Variants in RBX1 observed in about 807,000 individuals in gnomAD.
The protein encoded by RBX1 is ring-box 1, also known as E3 ubiquitin-protein ligase RBX1.
For missense variants in RBX1, 46 were observed against 141.4 expected (o/e 0.33, Z 3.42); for synonymous variants, 48 against 47.9 (o/e 1.00, Z -0.01).
chr22:40,960,983 C>G (rs1012269731), intron 2 of RBX1, among the ~76,000 whole-genome samples: 1 of 151,762 alleles, frequency 6.6e-6, no homozygotes, highest in African/African-American at 2.4e-5. Context: ...AGGCTGGTCT[C>G]GAACTCCTGA....
intron 4 of RBX1, among the ~76,000 whole-genome samples, chr22:40,971,756 C>T (rs1205705946): frequency 6.6e-6 from 1 of 151,994 alleles, no homozygotes; most frequent in Non-Finnish European, 1.5e-5. Context: ...GGGGTTTCAC[C>T]ATGTTGGCCA....
At chr22:40,961,787 C>CTGTGTG (rs139232745) in intron 2 of RBX1, among the ~76,000 whole-genome samples, 128 of 149,338 alleles carry the variant, frequency 8.6e-4, no homozygotes, top group African/African-American at 2.8e-3. Flanking sequence ...TTTGCTTTCT[C>CTGTGTG]TGTGTGTGTG....
At chr22:40,966,563 A>G (rs529830377) in intron 3 of RBX1, 9 of 152,340 alleles carry the variant, frequency 5.9e-5, no homozygotes, top group Admixed American at 5.9e-4. Context: ...GGGATCTTCC[A>G]AAAGGCTGTC....
intron 2 of RBX1, among the ~76,000 whole-genome samples, chr22:40,962,586 C>T (rs1189366273): frequency 6.6e-6 from 1 of 150,982 alleles, no homozygotes; most frequent in Admixed American, 6.6e-5. Flanking sequence ...ACCTCTGCCT[C>T]CCGGATTCAA....
chr22:40,969,928 C>T lies in RBX1; in HGVS notation c.314+2044C>T, dbSNP rs186496672. 2.4e-3 allele frequency among the ~76,000 whole-genome samples: 370 copies of T among 151,258 alleles called. 3 individuals are homozygous for T. Among genetic ancestry groups the T allele is most frequent in the African/African-American group, 8.3e-3 (341 of 41,290 alleles). On this transcript the variant is annotated intron_variant, in intron 4 of 4. Coordinates refer to ENST00000216225, the MANE Select transcript of RBX1 (RefSeq NM_014248.4). Reference sequence around the variant, plus strand: ...GAAAGAAAATTAGCTGGATGTGGTGCCATGCACTTGTAGTCCCAGCTGCTC... The same window carrying T: ...GAAAGAAAATTAGCTGGATGTGGTGTCATGCACTTGTAGTCCCAGCTGCTC...
chr22:40,972,303 G>A (rs1347795365), intron 4 of RBX1, among the ~76,000 whole-genome samples, 173 bp from the exon 5 acceptor site: 2 of 152,202 alleles, frequency 1.3e-5, no homozygotes, highest in African/African-American at 4.8e-5. Flanking sequence ...GATGGGGAGG[G>A]GAAAGGGGAA....
intron 2 of RBX1, among the ~76,000 whole-genome samples, chr22:40,960,862 G>A (rs941729509): frequency 1.3e-5 from 2 of 151,902 alleles, no homozygotes; most frequent in African/African-American, 4.8e-5. Context: ...AGGTTCCAGC[G>A]ATTCTCCTGC....
intron 4 of RBX1, 89 bp downstream of exon 4, chr22:40,967,973 G>A: frequency 1.2e-6 from 1 of 836,362 alleles, no homozygotes; most frequent in Non-Finnish European, 2.0e-6. Context: ...CATGATACAT[G>A]CCTTGTTTTT....
rs1022669716 is a variant in RBX1, at chr22:40,973,198, G to A, written c.*710G>A. 1 of 152,338 alleles carries A rather than the reference G, an allele frequency of 6.6e-6. No individual in the cohort carries two copies. Among genetic ancestry groups the A allele is most frequent in the Non-Finnish European group, 1.5e-5 (1 of 68,180 alleles). 9.4% of individuals were successfully genotyped at this position (152,338 alleles called of 1,614,324 possible). ...GATTTTTCCATGGACCGGGGGTGGG[G>A]CGGGGGTGTGCTTGGGGATGGTTTT... is the stretch of plus-strand genomic sequence containing the variant. On this transcript the variant is annotated 3_prime_UTR_variant, in exon 5 of 5. Transcript: ENST00000216225.
chr22:40,967,693 C>A, intron 3 of RBX1, 106 bp from the exon 4 acceptor site: 1 of 759,542 alleles, frequency 1.3e-6, no homozygotes, highest in Non-Finnish European at 2.1e-6. Context: ...CTTTTCTTTT[C>A]TTGCCCACTA....
At chr22:40,965,987 G>A (rs577064801) in intron 3 of RBX1, among the ~76,000 whole-genome samples, 5 of 152,308 alleles carry the variant, frequency 3.3e-5, no homozygotes, top group East Asian at 1.9e-4. Context: ...AGAGCCTGCC[G>A]TAGAAGAGAG....
intron 3 of RBX1, 131 bp from the exon 4 acceptor site, chr22:40,967,668 G>A: frequency 3.2e-6 from 2 of 615,662 alleles, no homozygotes; most frequent in East Asian, 5.7e-5. Flanking sequence ...TTGAACTTTT[G>A]CCTCTCGTTG....
intron 4 of RBX1, among the ~76,000 whole-genome samples, chr22:40,970,215 G>T (rs534334640): frequency 9.2e-5 from 14 of 151,754 alleles, no homozygotes; most frequent in African/African-American, 3.4e-4. Flanking sequence ...AATTAGCCAG[G>T]CATGGTGGTG....
At chr22:40,961,608 G>A (rs1383629502) in intron 2 of RBX1, among the ~76,000 whole-genome samples, 3 of 151,462 alleles carry the variant, frequency 2.0e-5, no homozygotes, top group Non-Finnish European at 4.4e-5. Context: ...TAGAAACCAT[G>A]TTAGCCAGGA....
At chr22:40,963,901 TATCTCTGTC>T in intron 2 of RBX1, 137 bp from the exon 3 acceptor site, 1 of 643,934 alleles carries the variant, frequency 1.6e-6, no homozygotes, top group East Asian at 2.8e-5. Flanking sequence ...AGCATACTGT[TATCTCTGTC>T]TTCTCTGTTC....
chr22:40,968,962 TTTTTC>T (rs1361517106), intron 4 of RBX1, among the ~76,000 whole-genome samples: 4 of 152,168 alleles, frequency 2.6e-5, no homozygotes, highest in African/African-American at 4.8e-5. Flanking sequence ...TACCTTAACT[TTTTTC>T]TTTTCTTTTT....
rs6002213 is a variant in RBX1 at position 40,972,809 on chromosome 22, C to G, written c.*321C>G. 2 of 231,410 alleles carry G rather than the reference C, an allele frequency of 8.6e-6. No homozygotes were observed. Among genetic ancestry groups the G allele is most frequent in the South Asian group, 7.7e-5 (1 of 13,062 alleles). The allele number at this position is 231,410 out of a possible 1,614,324, so 14.3% of individuals were successfully genotyped here. A position where few individuals can be genotyped will look rare whatever the true frequency, so the allele number is the denominator to read the frequency against. ...GTCCTCTGAGCGCATCACTTAGTGA[C>G]GAGGAATCCAACAGCTCAAGGCAGA... On this transcript the variant is annotated 3_prime_UTR_variant, in exon 5 of 5. Coordinates refer to ENST00000216225, the MANE Select transcript of RBX1 (RefSeq NM_014248.4).
At chr22:40,961,554 C>T (rs1202524128) in intron 2 of RBX1, among the ~76,000 whole-genome samples, 1 of 151,656 alleles carries the variant, frequency 6.6e-6, no homozygotes, top group Non-Finnish European at 1.5e-5. Context: ...GCTGGGACTA[C>T]AGGTGCCCGC....
chr22:40,952,446 C>A (rs925609652), intron 1 of RBX1, among the ~76,000 whole-genome samples: 1 of 152,166 alleles, frequency 6.6e-6, no homozygotes, highest in Non-Finnish European at 1.5e-5. Context: ...GTGGCCACTG[C>A]TGCTCAGTTA....
Sources: allele counts gnomAD v4.1 joint callset (sites outside exome capture counted in the v4.1 genomes callset), GRCh38; gene constraint gnomAD v4.1.1; transcripts MANE v1.5; gene names NCBI Gene and HGNC (gene_info 2026-07-23, HGNC 2026-07-21).